The following NCOR1 variants were observed in gnomAD, a reference collection of about 807,000 sequenced individuals.
NCOR1 encodes the protein protein phosphatase 1, regulatory subunit 109.
In NCOR1, 63 loss-of-function variants were observed where a neutral mutation model predicts 288.1. The ratio of observed to expected loss-of-function variants is 0.22; its 90% CI spans 0.18 to 0.27. The LOEUF is 0.27. NCOR1 is among the 10% of genes least tolerant of loss of function. The probability of loss-of-function intolerance (pLI) is 1.00; values close to 1 mark genes in which losing one functional copy is unlikely to be tolerated. For missense variants in NCOR1, 2,397 were observed against 3,019.2 expected (o/e 0.79, Z 4.83); for synonymous variants, 1,007 against 1,065.9 (o/e 0.94, Z 1.08).
chr17:16,058,097 G>C (rs766870803), intron 38 of NCOR1, 33 bp from the exon 39 acceptor site: 14 of 1,605,200 alleles, frequency 8.7e-6, no homozygotes, highest in African/African-American at 1.3e-5. Context: ...CTTACTCCAG[G>C]AATGTCTGTG....
intron 21 of NCOR1, among the ~76,000 whole-genome samples, chr17:16,096,242 C>T (rs952089488): frequency 5.9e-5 from 9 of 152,150 alleles, no homozygotes; most frequent in East Asian, 1.9e-4. Context: ...ACCTTCCCTC[C>T]GCTGTTGTCC....
intron 18 of NCOR1, among the ~76,000 whole-genome samples, chr17:16,111,551 A>G (rs6502490): frequency 0.6 from 90,562 of 151,844 alleles, 27,872 homozygotes; most frequent in African/African-American, 0.73. Flanking sequence ...GCAGTGAGCC[A>G]AGATCAAGCC....
Position 16,040,493 on chromosome 17 carries a change from T to A in NCOR1, c.6681A>T (p.Ala2227=). ...NSSGGGDSDM[A]AAQPGTEIFN... ...AGATCTCAGTTCCTGGCTGAGCAGC[T>A]GCTATATTTAAGCAAACATTCAAGT... Residue 2227 remains alanine, a splice_region_variant and synonymous_variant, in exon 43 of 46, where the codon GCA becomes GCT. Transcript: ENST00000268712. 2 of 1,613,340 alleles carry A rather than the reference T, an allele frequency of 1.2e-6. No individual in the cohort carries two copies. The highest frequency in any genetic ancestry group is 2.2e-5 in the South Asian group (2 of 90,974).
intron 44 of NCOR1, among the ~76,000 whole-genome samples, chr17:16,035,840 C>G (rs1247509463): frequency 6.6e-6 from 1 of 152,140 alleles, no homozygotes; most frequent in African/African-American, 2.4e-5. Context: ...TCATACCCGG[C>G]CTCTCTTGCT....
intron 45 of NCOR1, 43 bp downstream of exon 45, chr17:16,034,722 T>G: frequency 1.3e-6 from 2 of 1,516,434 alleles, no homozygotes; most frequent in Non-Finnish European, 1.8e-6. Flanking sequence ...GACATTGATA[T>G]TATTGCTCTG....
chr17:16,109,006 C>A (rs2153058415), intron 18 of NCOR1, 94 bp from the exon 19 acceptor site: 1 of 958,672 alleles, frequency 1.0e-6, no homozygotes, highest in Non-Finnish European at 1.4e-6. Context: ...AGCACACACA[C>A]ACACCAGACA....
intron 26 of NCOR1, 115 bp downstream of exon 26, chr17:16,079,849 C>T: frequency 1.3e-6 from 1 of 771,830 alleles, no homozygotes; most frequent in Non-Finnish European, 2.2e-6. Flanking sequence ...TTATGAGACC[C>T]AGTCCCATAA....
At chr17:16,099,226 G>A (rs951014426) in intron 20 of NCOR1, among the ~76,000 whole-genome samples, 6 of 152,080 alleles carry the variant, frequency 3.9e-5, no homozygotes, top group Non-Finnish European at 5.9e-5. Context: ...GGCTGATGTT[G>A]CCCATACCTA....
chr17:16,057,913 G>A lies in NCOR1; in HGVS notation c.6162C>T (p.His2054=), dbSNP rs1053479531. The A allele has an allele frequency of 9.3e-6, 15 of 1,605,696 alleles. No homozygotes were observed. Among genetic ancestry groups the A allele is most frequent in the Non-Finnish European group, 1.3e-5 (15 of 1,175,830 alleles). The change falls in exon 39 of 46, where the codon CAC becomes CAT. Residue 2054 remains histidine, a synonymous_variant. Coordinates refer to ENST00000268712, the MANE Select transcript of NCOR1 (RefSeq NM_006311.4). ...AGAATAATGAAAAACTTACACAGAT[G>A]TGATCAGCAAGTGTGATCAGCCGAT... ...RTHRLITLAD[H]ICQIITQDFA... is the part of the protein sequence containing the mutation.
At chr17:16,184,923 G>A (rs2153519945) in intron 3 of NCOR1, among the ~76,000 whole-genome samples, 1 of 149,270 alleles carries the variant, frequency 6.7e-6, no homozygotes, top group South Asian at 2.1e-4. Context: ...ACATGGATAA[G>A]CCTGAAGGAC....
At chr17:16,151,441 T>A (rs908197989) in intron 8 of NCOR1, 2 of 519,958 alleles carry the variant, frequency 3.8e-6, no homozygotes, top group African/African-American at 4.0e-5. Flanking sequence ...ATACCGTCAT[T>A]AGCAAGAGTC....
intron 4 of NCOR1, among the ~76,000 whole-genome samples, chr17:16,170,189 C>A (rs375988371): frequency 6.6e-6 from 1 of 150,488 alleles, no homozygotes; most frequent in African/African-American, 2.4e-5. Context: ...GATACATTTA[C>A]TATCTTTTAA....
At chr17:16,131,995 C>T (rs1427380181) in intron 14 of NCOR1, among the ~76,000 whole-genome samples, 2 of 152,216 alleles carry the variant, frequency 1.3e-5, no homozygotes, top group African/African-American at 4.8e-5. Flanking sequence ...GGGCAGAGCA[C>T]TCTGGGGCTA....
At chr17:16,149,238 A>G (rs1599453369) in intron 9 of NCOR1, among the ~76,000 whole-genome samples, 3 of 150,844 alleles carry the variant, frequency 2.0e-5, no homozygotes, top group South Asian at 2.1e-4. Context: ...AATTAATTTG[A>G]TAATATTAAA....
At chr17:16,094,739 A>AT (rs891546709) in intron 21 of NCOR1, among the ~76,000 whole-genome samples, 4 of 151,930 alleles carry the variant, frequency 2.6e-5, no homozygotes, top group Non-Finnish European at 5.9e-5. Context: ...TGGTTTTCGT[A>AT]TTTTTTTGGT....
intron 13 of NCOR1, 115 bp downstream of exon 13, chr17:16,138,043 C>T (rs533816959): frequency 9.5e-6 from 7 of 735,208 alleles, no homozygotes; most frequent in African/African-American, 5.4e-5. Context: ...TGAGACTCTT[C>T]GCAGTCTTTT....
Position 16,164,989 on chromosome 17 carries a change from T to C in NCOR1, c.608A>G (p.Lys203Arg), listed in dbSNP as rs2081730132. ...AKVEQQILKL[K>R]KKQQQLEEEA... ...AGCAAAGACATTTACTTGTTTCTTT[T>C]TCAGTTTAAGGATCTGCTGTTCTAC... is the stretch of plus-strand genomic sequence containing the variant. Residue 203 changes from lysine (K) to arginine (R), a missense_variant, in exon 5 of 46, where the codon AAA (lysine) becomes AGA (arginine). By Grantham distance (26) the Lys-to-Arg change is conservative. This residue lies in a region of NCOR1 where 76 missense variants were observed against 102.2 expected (regional missense o/e 0.74). Transcript: ENST00000268712. 3.8e-6 allele frequency: 6 copies of C among 1,578,650 alleles called. No individual in the cohort carries two copies. The East Asian group carries it at 1.1e-4, about 30-fold the overall frequency.
At chr17:16,083,288 C>G (rs972306436) in intron 23 of NCOR1, among the ~76,000 whole-genome samples, 1 of 150,922 alleles carries the variant, frequency 6.6e-6, no homozygotes, top group African/African-American at 2.4e-5. Flanking sequence ...GGTGGGAGGA[C>G]TGCTTGAGCC....
rs61215793 is a variant in NCOR1, at chr17:16,181,211, ATGTGTGTGTG to A, written c.242+5333_242+5342del. ...TGTGTGTGTGTATACATATATATGT[ATGTGTGTGTG>A]TGTGTGTGTGTGTGTGTGTGTGTGT... is the stretch of plus-strand genomic sequence containing the variant. On this transcript the variant is annotated intron_variant, in intron 3 of 45. Transcript: ENST00000268712. 1.4e-3 allele frequency among the ~76,000 whole-genome samples: 195 copies of A among 139,580 alleles called. 2 individuals are homozygous for A. Among genetic ancestry groups the A allele is most frequent in the African/African-American group, 4.0e-3 (155 of 38,600 alleles). 91.6% of individuals were successfully genotyped at this position (139,580 alleles called of 152,430 possible). A position where few individuals can be genotyped will look rare whatever the true frequency, so the allele number is the denominator to read the frequency against.
Sources: gnomAD v4.1 joint callset for allele counts (sites outside exome capture counted in the v4.1 genomes callset) on GRCh38, gnomAD v4.1.1 for gene constraint, gnomAD v4.1.1 regional missense constraint, MANE v1.5 for transcripts, NCBI Gene and HGNC (gene_info 2026-07-23, HGNC 2026-07-21) for gene names.